The following NECAP1 variants were observed in gnomAD, a reference collection of about 807,000 sequenced individuals.
NECAP1 encodes adaptin ear-binding coat-associated protein 1.
A neutral mutation model predicts 33.4 loss-of-function variants in NECAP1; 13 were observed. The observed-to-expected ratio is 0.39, with a 90% CI of 0.25 to 0.62. The LOEUF (loss-of-function observed/expected upper bound fraction) is 0.62. Ranked by LOEUF, NECAP1 falls within the 20% of genes least tolerant of loss-of-function variation. NECAP1 has a pLI of 0.52. For synonymous variants in NECAP1, 109 were observed against 125.2 expected, an observed-to-expected ratio of 0.87 and a Z score of 0.86; for missense variants, 272 against 347.4, an observed-to-expected ratio of 0.78 and a Z score of 1.73.
chr12:8,086,764 C>T (rs1947493686), intron 1 of NECAP1, among the ~76,000 whole-genome samples: 1 of 151,538 alleles, frequency 6.6e-6, no homozygotes, highest in Non-Finnish European at 1.5e-5. Context: ...GGTGGAACCC[C>T]GTCTTTACTA....
intron 3 of NECAP1, 178 bp from the exon 4 acceptor site, chr12:8,091,591 A>G: frequency 1.7e-6 from 1 of 603,628 alleles, no homozygotes; most frequent in South Asian, 1.9e-5. Flanking sequence ...GGCGGAGCTC[A>G]GGTGGTCATG....
intron 4 of NECAP1, 59 bp downstream of exon 4, chr12:8,091,909 C>A: frequency 7.4e-7 from 1 of 1,352,824 alleles, no homozygotes; most frequent in Non-Finnish European, 1.0e-6. Flanking sequence ...CTGCTTCTCA[C>A]ATGAATGGGC....
In NECAP1 at chr12:8,084,380, G is replaced by A. The variant is rs763385642; in HGVS notation, c.95+1997G>A. ...CATCACCTTCTTTGGGAGGCCCTAT[G>A]TGACCCTTCCATTCTGGTTTAGATA... On this transcript the variant is annotated intron_variant, in intron 1 of 7. Coordinates refer to ENST00000339754, the MANE Select transcript of NECAP1 (RefSeq NM_015509.4). 1.6e-4 allele frequency among the ~76,000 whole-genome samples: 25 copies of A among 152,270 alleles called. No individual in the cohort carries two copies. The East Asian group carries it at 4.4e-3, about 27-fold the overall frequency.
chr12:8,095,888 T>C, intron 7 of NECAP1, 154 bp from the exon 8 acceptor site: 3 of 1,131,528 alleles, frequency 2.7e-6, no homozygotes, highest in Non-Finnish European at 3.8e-6. Context: ...AGGATGAGGT[T>C]TGAGTGGGAT....
At position 8,082,319 on chromosome 12, in the gene NECAP1, C is replaced by T. The variant is rs754797769; in HGVS notation, c.31C>T (p.Leu11=). The change falls in exon 1 of 8, where the codon CTG becomes TTG. Residue 11 remains leucine (L), a synonymous_variant. Coordinates refer to ENST00000339754, the MANE Select transcript of NECAP1 (RefSeq NM_015509.4). MATELEYESV[L]CVKPDVSVYR... ...GACCGAGTTGGAGTACGAGTCTGTG[C>T]TGTGTGTGAAGCCAGACGTCAGCGT... 1 of 1,613,514 alleles carries T rather than the reference C, an allele frequency of 6.2e-7. No individual in the cohort carries two copies. The highest frequency in any genetic ancestry group is 1.1e-5 in the South Asian group (1 of 91,074).
chr12:8,089,836 G>T (rs1256231341), intron 1 of NECAP1, 100 bp from the exon 2 acceptor site: 12 of 864,002 alleles, frequency 1.4e-5, no homozygotes, highest in Non-Finnish European at 2.3e-5. Flanking sequence ...AGAAAGAATA[G>T]GCAATCCAGG....
intron 6 of NECAP1, 128 bp from the exon 7 acceptor site, chr12:8,095,473 C>T: frequency 5.4e-6 from 3 of 551,012 alleles, no homozygotes; most frequent in Non-Finnish European, 9.9e-6. Context: ...TGGTCTCGAT[C>T]TCCTGACCTC....
At chr12:8,093,955 G>T (rs1396923515) in intron 6 of NECAP1, 1 of 152,080 alleles carries the variant, frequency 6.6e-6, no homozygotes, top group African/African-American at 2.4e-5. Context: ...CTTTCTGTTT[G>T]GTGGGAGAAA....
rs761493445 is a variant in NECAP1, at chr12:8,082,453, C to A, written c.95+70C>A. The stretch of plus-strand genomic sequence containing the variant: ...ATGACAGCTTCCTTCTCAGCTAGCA[C>A]GCTGTCCGTCCCTGCCACTACTACC... On this transcript the variant is annotated intron_variant, in intron 1 of 7. Coordinates refer to ENST00000339754, the MANE Select transcript of NECAP1 (RefSeq NM_015509.4). 5.0e-6 allele frequency: 7 copies of A among 1,391,478 alleles called. No homozygotes were observed. In the Admixed American group the frequency reaches 7.7e-5, roughly 15 times the overall value. 86.2% of individuals were successfully genotyped at this position (1,391,478 alleles called of 1,614,324 possible).
At chr12:8,082,413 C>T in intron 1 of NECAP1, 30 bp downstream of exon 1, 2 of 1,582,950 alleles carry the variant, frequency 1.3e-6, no homozygotes, top group South Asian at 1.1e-5. Context: ...GCCGCACACG[C>T]GTACTCTGTC....
intron 1 of NECAP1, chr12:8,082,772 TCTCACACACA>T (rs1399354944): frequency 1.1e-3 from 129 of 114,870 alleles, no homozygotes; most frequent in African/African-American, 4.8e-3. Context: ...TCTCTCTCTC[TCTCACACACA>T]CACACACACA....
intron 1 of NECAP1, chr12:8,089,633 T>G: frequency 3.6e-6 from 1 of 281,486 alleles, no homozygotes; most frequent in Non-Finnish European, 6.8e-6. Flanking sequence ...AGTGCTGGGA[T>G]TACAGGCTTG....
In NECAP1 at chr12:8,089,961, C is replaced by A; in HGVS notation, c.121C>A (p.Pro41Thr). 6.2e-7 allele frequency: 1 copy of A among 1,614,160 alleles called. No individual in the cohort carries two copies. The highest frequency in any genetic ancestry group is 8.5e-7 in the Non-Finnish European group (1 of 1,180,016). ...YRASDWKLDQPDWTGRLRITS... is the reference protein window; with the variant it reads ...YRASDWKLDQTDWTGRLRITS... Reference sequence around the variant, plus strand: ...GGCCTCTGACTGGAAATTAGACCAGCCTGATTGGACTGGTCGCCTCCGAAT... The same window carrying A: ...GGCCTCTGACTGGAAATTAGACCAGACTGATTGGACTGGTCGCCTCCGAAT... The change falls in exon 2 of 8, where the codon CCT becomes ACT. Residue 41 changes from proline to threonine, a missense_variant. Coordinates refer to ENST00000339754, the MANE Select transcript of NECAP1 (RefSeq NM_015509.4).
intron 1 of NECAP1, among the ~76,000 whole-genome samples, 200 bp downstream of exon 1, chr12:8,082,583 T>G (rs1026192957): frequency 1.3e-5 from 2 of 152,088 alleles, no homozygotes; most frequent in South Asian, 2.1e-4. Context: ...GCCGTTTTTT[T>G]TTTTGTTTTG....
intron 4 of NECAP1, 140 bp downstream of exon 4, chr12:8,091,990 C>G: frequency 1.4e-6 from 1 of 730,690 alleles, no homozygotes; most frequent in Admixed American, 2.6e-5. Flanking sequence ...TCCCCATTCA[C>G]TTTTGTTTCC....
intron 1 of NECAP1, among the ~76,000 whole-genome samples, chr12:8,083,908 T>G (rs959230063): frequency 6.6e-6 from 1 of 151,862 alleles, no homozygotes; most frequent in Admixed American, 6.6e-5. Context: ...GCCTGGCTAA[T>G]TTTTAAATTT....
chr12:8,091,866 C>G lies in NECAP1; in HGVS notation c.383+16C>G, dbSNP rs2120482848. The G allele has an allele frequency of 1.2e-6, 2 of 1,606,582 alleles. No homozygotes were observed. Among genetic ancestry groups the G allele is most frequent in the Admixed American group, 3.4e-5 (2 of 59,572 alleles). On this transcript the variant is annotated intron_variant, in intron 4 of 7. Transcript: ENST00000339754. ...ATCACTTCAAGTGAGTGAAGCTTGT[C>G]CTTAGTTACGAGGCTGAATGCTTAT...
At chr12:8,085,982 G>A (rs1172302284) in intron 1 of NECAP1, among the ~76,000 whole-genome samples, 2 of 152,160 alleles carry the variant, frequency 1.3e-5, no homozygotes, top group African/African-American at 4.8e-5. Flanking sequence ...TGGGATTACA[G>A]GCATGAGCCA....
At chr12:8,088,151 T>C (rs1947508952) in intron 1 of NECAP1, among the ~76,000 whole-genome samples, 1 of 152,240 alleles carries the variant, frequency 6.6e-6, no homozygotes, top group South Asian at 2.1e-4. Flanking sequence ...TAACACGTTT[T>C]ATAAATTTCT....
Sources: gnomAD v4.1 joint callset for allele counts (sites outside exome capture counted in the v4.1 genomes callset) on GRCh38, gnomAD v4.1.1 for gene constraint, MANE v1.5 for transcripts, NCBI Gene and HGNC (gene_info 2026-07-23, HGNC 2026-07-21) for gene names.